CFAP300: variants seen among roughly 807,000 people sequenced by gnomAD.
CFAP300 encodes cilia- and flagella-associated protein 300.
Under a neutral mutation model 33.0 loss-of-function variants are expected in CFAP300, and 32 were observed. That is an observed-to-expected ratio of 0.97 (90% CI 0.73 to 1.30). The LOEUF (loss-of-function observed/expected upper bound fraction) is 1.30. Among genes scored for constraint, CFAP300 ranks in the 50% most tolerant of loss-of-function variants. The pLI is 0.00. For missense variants in CFAP300, 356 were observed against 318.1 expected (o/e 1.12, Z -0.90); for synonymous variants, 102 against 106.8 (o/e 0.95, Z 0.28).
intron 6 of CFAP300, among the ~76,000 whole-genome samples, chr11:102,081,638 G>A (rs1377176140): frequency 1.3e-5 from 2 of 152,174 alleles, no homozygotes; most frequent in African/African-American, 2.4e-5. Flanking sequence ...GCTCACGCCT[G>A]TAATCCCATT....
rs1043249917 is a variant in CFAP300, at chr11:102,079,934, A to C, written c.609-1281A>C. 2.6e-5 allele frequency among the ~76,000 whole-genome samples: 4 copies of C among 152,294 alleles called. No individual in the cohort carries two copies. The East Asian group carries it at 7.7e-4, about 29-fold the overall frequency. On this transcript the variant is annotated intron_variant, in intron 5 of 6. Transcript: ENST00000434758. ...GTTATATTGTCCATAAAATTGACAA[A>C]ATAATGCCTACCTCAATGAGTTGTG...
chr11:102,052,842 T>G (rs555241003), intron 2 of CFAP300, among the ~76,000 whole-genome samples: 2 of 152,290 alleles, frequency 1.3e-5, no homozygotes, highest in East Asian at 3.9e-4. Context: ...TAGCTAGTCT[T>G]TTTCCAGCCC....
At position 102,075,563 on chromosome 11, in the gene CFAP300, A is replaced by T. The variant is rs1189264193; in HGVS notation, c.436-310A>T. ...TATTTATGCTCCTATTTATTTCCAAATAAGATTTGAGGTGACATAACACTA... is the reference window on the plus strand; with the variant it reads ...TATTTATGCTCCTATTTATTTCCAATTAAGATTTGAGGTGACATAACACTA... On this transcript the variant is annotated intron_variant, in intron 4 of 6. Coordinates refer to ENST00000434758, the MANE Select transcript of CFAP300 (RefSeq NM_032930.3). Among the ~76,000 whole-genome samples, 3 of 152,220 alleles carry T rather than the reference A, an allele frequency of 2.0e-5. No individual in the cohort carries two copies. The East Asian group carries it at 5.8e-4, about 29-fold the overall frequency.
intron 3 of CFAP300, among the ~76,000 whole-genome samples, chr11:102,059,165 T>C (rs1367222150): frequency 5.9e-5 from 9 of 152,294 alleles, no homozygotes; most frequent in Middle Eastern, 3.4e-3. Context: ...GAGCAATTTT[T>C]CTCTCTTTTT....
At chr11:102,073,382 A>T (rs10791559) in intron 4 of CFAP300, among the ~76,000 whole-genome samples, 2 of 151,894 alleles carry the variant, frequency 1.3e-5, no homozygotes, top group African/African-American at 4.8e-5. Flanking sequence ...CAAGAGGAGC[A>T]CCCAGATGTC....
At chr11:102,071,637 G>A (rs1471661253) in intron 4 of CFAP300, among the ~76,000 whole-genome samples, 1 of 152,088 alleles carries the variant, frequency 6.6e-6, no homozygotes, top group Non-Finnish European at 1.5e-5. Context: ...TTCTTACAGG[G>A]CAGGCCTAGT....
At chr11:102,050,465 AT>A (rs1234035728) in intron 2 of CFAP300, among the ~76,000 whole-genome samples, 2 of 152,224 alleles carry the variant, frequency 1.3e-5, no homozygotes, top group African/African-American at 4.8e-5. Context: ...TTAAAAACAA[AT>A]TATGTTCCAA....
intron 2 of CFAP300, among the ~76,000 whole-genome samples, chr11:102,056,138 A>G (rs944184295): frequency 6.6e-6 from 1 of 152,168 alleles, no homozygotes; most frequent in Non-Finnish European, 1.5e-5. Context: ...GGGAGCTTAC[A>G]TTCTATTCTA....
At chr11:102,049,220 T>C (rs1941932809) in intron 2 of CFAP300, among the ~76,000 whole-genome samples, 1 of 152,196 alleles carries the variant, frequency 6.6e-6, no homozygotes, top group Non-Finnish European at 1.5e-5. Context: ...AATCCATCCT[T>C]GCCTCTTCCT....
At chr11:102,082,746 C>T (rs1394368948) in intron 6 of CFAP300, among the ~76,000 whole-genome samples, 1 of 152,144 alleles carries the variant, frequency 6.6e-6, no homozygotes, top group African/African-American at 2.4e-5. Flanking sequence ...AGCCTGTAAT[C>T]CCAGCCTTTT....
At position 102,066,515 on chromosome 11, in the gene CFAP300, A is replaced by G. The variant is rs1374406415; in HGVS notation, c.299A>G (p.Asn100Ser). ...GAAGTGAAAAAAATTGAAGCTATAAATGTTCCTTGCACACAGCTTTCAATG... is the reference window on the plus strand; with the variant it reads ...GAAGTGAAAAAAATTGAAGCTATAAGTGTTCCTTGCACACAGCTTTCAATG... ...GTEVKKIEAI[N>S]VPCTQLSMSF... is the part of the protein sequence containing the mutation. Residue 100 changes from asparagine (N) to serine (S), a missense_variant, in exon 4 of 7, where the codon AAT (asparagine) becomes AGT (serine). Physicochemically the swap from Asn to Ser is conservative, Grantham distance 46. Transcript: ENST00000434758. 4 of 1,605,368 alleles carry G rather than the reference A, an allele frequency of 2.5e-6. No homozygotes were observed. Among genetic ancestry groups the G allele is most frequent in the Non-Finnish European group, 1.7e-6 (2 of 1,177,324 alleles).
At chr11:102,059,368 G>A (rs1942109294) in intron 3 of CFAP300, among the ~76,000 whole-genome samples, 1 of 151,816 alleles carries the variant, frequency 6.6e-6, no homozygotes, top group South Asian at 2.1e-4. Flanking sequence ...GTAGCCAAGG[G>A]CCAGGCATGG....
intron 3 of CFAP300, among the ~76,000 whole-genome samples, chr11:102,063,648 C>A (rs1379316061): frequency 6.6e-6 from 1 of 151,950 alleles, no homozygotes; most frequent in African/African-American, 2.4e-5. Context: ...GGCAACACAG[C>A]AGACCCTATC....
intron 4 of CFAP300, among the ~76,000 whole-genome samples, chr11:102,073,140 G>A (rs1248913358): frequency 2.0e-5 from 3 of 152,342 alleles, no homozygotes; most frequent in African/African-American, 4.8e-5. Flanking sequence ...AGCAGTGTTA[G>A]TGGTGGGCTG....
At chr11:102,076,158 T>C (rs1942392320) in intron 5 of CFAP300, 113 bp downstream of exon 5, 1 of 1,222,242 alleles carries the variant, frequency 8.2e-7, no homozygotes, top group Non-Finnish European at 1.1e-6. Flanking sequence ...AACCAAAGCA[T>C]ATAAAAAGCT....
At chr11:102,048,916 G>A (rs987480635) in intron 2 of CFAP300, among the ~76,000 whole-genome samples, 1 of 151,860 alleles carries the variant, frequency 6.6e-6, no homozygotes, top group Non-Finnish European at 1.5e-5. Flanking sequence ...TTATAGTTTG[G>A]CATAACAAAC....
rs1942499450 is a variant in CFAP300 at position 102,083,095 on chromosome 11, T to A, written c.700T>A (p.Ser234Thr). 5.9e-6 allele frequency: 9 copies of A among 1,525,682 alleles called. No homozygotes were observed. Among genetic ancestry groups the A allele is most frequent in the Non-Finnish European group, 7.9e-6 (9 of 1,134,276 alleles). The allele number at this position is 1,525,682 out of a possible 1,614,324, so 94.5% of individuals were successfully genotyped here. Residue 234 changes from serine to threonine, a missense_variant, in exon 7 of 7, where the codon TCA becomes ACA. Physicochemically the swap from Ser to Thr is moderately conservative, Grantham distance 58. Transcript: ENST00000434758. ...AYDSAGMCYPSAKNHEQTFSY... is the reference protein window; with the variant it reads ...AYDSAGMCYPTAKNHEQTFSY... Reference sequence around the variant, plus strand: ...GGATTCTGCTGGTATGTGCTATCCTTCAGCAAAGAATCATGAACAGACATT... The same window carrying A: ...GGATTCTGCTGGTATGTGCTATCCTACAGCAAAGAATCATGAACAGACATT...
At chr11:102,058,769 T>TA (rs1370639638) in intron 2 of CFAP300, 111 bp from the exon 3 acceptor site, 1 of 664,818 alleles carries the variant, frequency 1.5e-6, no homozygotes, top group Non-Finnish European at 2.5e-6. Context: ...TTTACCAATT[T>TA]AAAATTGTCC....
intron 2 of CFAP300, among the ~76,000 whole-genome samples, chr11:102,052,334 T>C (rs1410642997): frequency 2.6e-5 from 4 of 152,344 alleles, no homozygotes; most frequent in South Asian, 4.1e-4. Context: ...CCAATATTAA[T>C]TGAGGTTAAT....
Sources: gnomAD v4.1 joint callset for allele counts (sites outside exome capture counted in the v4.1 genomes callset) on GRCh38, gnomAD v4.1.1 for gene constraint, MANE v1.5 for transcripts, NCBI Gene and HGNC (gene_info 2026-07-23, HGNC 2026-07-21) for gene names.